Variants in REDIC1 observed in about 807,000 individuals in gnomAD.
REDIC1 encodes the protein HEI10 Interacting Protein 1.
the REDIC1 span, among the ~76,000 whole-genome samples, chr12:39,698,673 G>A: frequency 1.6e-4 from 25 of 152,220 alleles, no homozygotes; most frequent in South Asian, 5.2e-3. Context: ...AATAAAACTA[G>A]AAATAATGAG....
At chr12:39,811,965 A>T in the REDIC1 span, among the ~76,000 whole-genome samples, 1 of 152,178 alleles carries the variant, frequency 6.6e-6, no homozygotes, top group Non-Finnish European at 1.5e-5. Context: ...AGTTGGTTTA[A>T]ATCTCTAATT....
chr12:39,705,159 G>A, the REDIC1 span, among the ~76,000 whole-genome samples: 3 of 151,888 alleles, frequency 2.0e-5, no homozygotes, highest in Non-Finnish European at 4.4e-5. Flanking sequence ...GGAATTCAAA[G>A]GATCATTCGT....
the REDIC1 span, among the ~76,000 whole-genome samples, chr12:39,813,268 C>A: frequency 6.6e-6 from 1 of 151,764 alleles, no homozygotes; most frequent in Admixed American, 6.6e-5. Flanking sequence ...TGTCTTTGAT[C>A]TAGGTCAGCA....
At chr12:39,827,288 T>C in the REDIC1 span, among the ~76,000 whole-genome samples, 1 of 152,180 alleles carries the variant, frequency 6.6e-6, no homozygotes, top group African/African-American at 2.4e-5. Flanking sequence ...CTCTTGGTTT[T>C]GCTTTTTCAT....
the REDIC1 span, among the ~76,000 whole-genome samples, chr12:39,695,829 C>G: frequency 6.6e-6 from 1 of 152,156 alleles, no homozygotes; most frequent in South Asian, 2.1e-4. Flanking sequence ...AACATCTGAC[C>G]AAGCACAATC....
At chr12:39,751,199 C>T in the REDIC1 span, among the ~76,000 whole-genome samples, 3 of 152,328 alleles carry the variant, frequency 2.0e-5, no homozygotes, top group East Asian at 5.8e-4. Context: ...GTACAATGAA[C>T]TCCAACAAAT....
At chr12:39,846,386 G>A in the REDIC1 span, among the ~76,000 whole-genome samples, 1 of 152,112 alleles carries the variant, frequency 6.6e-6, no homozygotes, top group African/African-American at 2.4e-5. Flanking sequence ...TCTAGAGAAA[G>A]ATCTTTCTCA....
the REDIC1 span, among the ~76,000 whole-genome samples, chr12:39,838,786 A>C: frequency 6.6e-6 from 1 of 152,078 alleles, no homozygotes; most frequent in African/African-American, 2.4e-5. Context: ...TTAATTTAGA[A>C]CATTTTTAGT....
chr12:39,665,051 TG>T, the REDIC1 span, among the ~76,000 whole-genome samples: 1 of 152,222 alleles, frequency 6.6e-6, no homozygotes, highest in Non-Finnish European at 1.5e-5. Flanking sequence ...TAGTTTCTTT[TG>T]CTGTGCAGAA....
the REDIC1 span, among the ~76,000 whole-genome samples, chr12:39,655,774 A>T: frequency 6.6e-6 from 1 of 152,166 alleles, no homozygotes; most frequent in Non-Finnish European, 1.5e-5. Flanking sequence ...CCAGGCTATA[A>T]CTGTATGGAC....
chr12:39,642,811 C>G, the REDIC1 span, among the ~76,000 whole-genome samples: 627 of 151,714 alleles, frequency 4.1e-3, 1 homozygote, highest in Middle Eastern at 0.024. Flanking sequence ...TTTTGTAAAA[C>G]AAGACATTTA....
At chr12:39,629,045 G>A in the REDIC1 span, among the ~76,000 whole-genome samples, 2 of 152,160 alleles carry the variant, frequency 1.3e-5, no homozygotes, top group Non-Finnish European at 2.9e-5. Context: ...AAAAAGGGCT[G>A]TGGAAATTCA....
At chr12:39,646,160 T>C in the REDIC1 span, among the ~76,000 whole-genome samples, 6 of 151,958 alleles carry the variant, frequency 3.9e-5, no homozygotes, top group Admixed American at 3.3e-4. Context: ...TTTTAAAGTC[T>C]CTGATAGTTG....
At chr12:39,889,873 T>C in the REDIC1 span, among the ~76,000 whole-genome samples, 67 of 152,282 alleles carry the variant, frequency 4.4e-4, no homozygotes, top group African/African-American at 1.5e-3. Context: ...TTGTTTTTAT[T>C]ATCCAATATT....
the REDIC1 span, among the ~76,000 whole-genome samples, chr12:39,693,880 TA>T: frequency 6.6e-6 from 1 of 152,186 alleles, no homozygotes; most frequent in African/African-American, 2.4e-5. Context: ...AATTTTGATA[TA>T]TATATATTTC....
chr12:39,638,452 T>TC, the REDIC1 span, among the ~76,000 whole-genome samples: 3 of 152,052 alleles, frequency 2.0e-5, no homozygotes, highest in South Asian at 6.2e-4. Flanking sequence ...TGCCTAGACT[T>TC]CCTTGTTCTT....
At chr12:39,668,611 G>C in the REDIC1 span, among the ~76,000 whole-genome samples, 23 of 152,290 alleles carry the variant, frequency 1.5e-4, no homozygotes, top group South Asian at 4.6e-3. Context: ...TGCCTTGCTA[G>C]ACTGGGGAGG....
the REDIC1 span, among the ~76,000 whole-genome samples, chr12:39,737,447 C>T: frequency 8.5e-5 from 13 of 152,228 alleles, no homozygotes; most frequent in African/African-American, 2.2e-4. Context: ...TTTATAAGGT[C>T]GAGAGCCACT....
the REDIC1 span, among the ~76,000 whole-genome samples, chr12:39,663,976 T>G: frequency 6.6e-6 from 1 of 152,056 alleles, no homozygotes; most frequent in African/African-American, 2.4e-5. Flanking sequence ...TCCCTTTCTC[T>G]CCTGGCCTAT....
Sources: gnomAD v4.1 joint callset for allele counts (sites outside exome capture counted in the v4.1 genomes callset) on GRCh38, gnomAD v4.1.1 for gene constraint, MANE v1.5 for transcripts, NCBI Gene and HGNC (gene_info 2026-07-23, HGNC 2026-07-21) for gene names.